Variants in EML1 observed in about 807,000 individuals in gnomAD.
EML1 encodes EMAP like 1.
In EML1, 27 loss-of-function variants were observed where a neutral mutation model predicts 110.4. That is an observed-to-expected ratio of 0.24 (90% CI 0.18 to 0.34). The LOEUF is 0.34. Among genes scored for constraint, EML1 ranks in the 10% least tolerant of loss-of-function variants. The pLI is 1.00. For missense variants in EML1, 741 were observed against 1,030.9 expected, an observed-to-expected ratio of 0.72 and a Z score of 3.85; for synonymous variants, 344 against 385.8, an observed-to-expected ratio of 0.89 and a Z score of 1.27.
rs2057579969 is a variant in EML1, at chr14:99,784,724, C to T, written c.-27+10711C>T. Among the ~76,000 whole-genome samples the T allele has an allele frequency of 1.3e-5, 2 of 152,342 alleles. No individual in the cohort carries two copies. Among genetic ancestry groups the T allele is most frequent in the South Asian group, 2.1e-4 (1 of 4,824 alleles). On this transcript the variant is annotated intron_variant, in intron 1 of 22. Transcript: ENST00000327921. This position sits in a 1 kb window ranked among gnomAD's most constrained non-coding sequence, Gnocchi z 4.5. ...CTCCCCCATTCCAGCCCATCCAGGC[C>T]GGATGACACACGGGAAAACAAGGAG...
At chr14:99,906,252 G>A (rs763261642) in intron 9 of EML1, among the ~76,000 whole-genome samples, 3 of 152,152 alleles carry the variant, frequency 2.0e-5, no homozygotes, top group Non-Finnish European at 2.9e-5. Flanking sequence ...TGGATCTCAC[G>A]CAAGAAAGAA....
At chr14:99,757,651 G>A (rs2057272131) in intron 1 of EML1, among the ~76,000 whole-genome samples, 1 of 152,212 alleles carries the variant, frequency 6.6e-6, no homozygotes, top group South Asian at 2.1e-4. Flanking sequence ...GCCAGATGGA[G>A]CATTAAATGA....
At chr14:99,739,291 C>T (rs919778485) in intron 1 of EML1, among the ~76,000 whole-genome samples, 2 of 152,098 alleles carry the variant, frequency 1.3e-5, no homozygotes, top group African/African-American at 2.4e-5. Flanking sequence ...CTGGCTGGCC[C>T]TGCCCCACAC....
chr14:99,819,824 T>C (rs1387638845), intron 1 of EML1, among the ~76,000 whole-genome samples: 1 of 152,220 alleles, frequency 6.6e-6, no homozygotes, highest in Admixed American at 6.5e-5. Flanking sequence ...GCAGCCAGCC[T>C]CACTGGGCTG....
rs977374123 is a variant in EML1, at chr14:99,764,868, G to GT, written c.28+27016dup. 1.3e-3 allele frequency among the ~76,000 whole-genome samples: 193 copies of GT among 152,112 alleles called. 2 individuals are homozygous for GT. Among genetic ancestry groups the GT allele is most frequent in the African/African-American group, 4.1e-3 (171 of 41,518 alleles). On this transcript the variant is annotated intron_variant, in intron 1 of 10. Coordinates refer to the EML1 transcript ENST00000554479. ...TCCTGCCCGTTCCTCAGTCAGTGTT[G>GT]TTTTTTTTACTATAGCAAAATATAT...
At chr14:99,742,019 C>T (rs534048728) in intron 1 of EML1, among the ~76,000 whole-genome samples, 2 of 152,310 alleles carry the variant, frequency 1.3e-5, no homozygotes, top group South Asian at 4.1e-4. Context: ...TGACCCAGGG[C>T]AGCCCTCCTT....
At chr14:99,772,647 G>C (rs2140204371), upstream of EML1, among the ~76,000 whole-genome samples, 2 of 152,320 alleles carry the variant, frequency 1.3e-5, no homozygotes, top group Middle Eastern at 3.4e-3. Context: ...GTCTGCAGGA[G>C]GTTTTTAGGA....
chr14:99,787,140 T>C (rs979221867), intron 1 of EML1, among the ~76,000 whole-genome samples: 2 of 152,196 alleles, frequency 1.3e-5, no homozygotes, highest in Admixed American at 1.3e-4. Flanking sequence ...CTTATGGTTG[T>C]TAGACTCAGT....
At position 99,837,525 on chromosome 14, in the gene EML1, T is replaced by G. The variant is rs144778980; in HGVS notation, c.68-13328T>G. Among the ~76,000 whole-genome samples the G allele has an allele frequency of 2.6e-5, 4 of 152,352 alleles. No homozygotes were observed. The East Asian group carries it at 7.7e-4, about 29-fold the overall frequency. On this transcript the variant is annotated intron_variant, in intron 1 of 21. Coordinates refer to ENST00000262233, the MANE Select transcript of EML1 (RefSeq NM_004434.3). ...AAAAGGATTAAAAATTTTTTTACAG[T>G]AACAACGAATGTGGATGGGAGGTTA...
At chr14:99,869,184 G>C (rs1175753977) in intron 3 of EML1, among the ~76,000 whole-genome samples, 1 of 152,072 alleles carries the variant, frequency 6.6e-6, no homozygotes, top group Non-Finnish European at 1.5e-5. Flanking sequence ...TTTACAAATT[G>C]GTGGTGGTGG....
Position 99,917,719 on chromosome 14 carries a change from G to A in EML1, c.1753-63G>A, listed in dbSNP as rs1595479213. The A allele has an allele frequency of 2.6e-6, 4 of 1,534,346 alleles. No homozygotes were observed. The Middle Eastern group carries it at 6.8e-4, about 260-fold the overall frequency. ...TTTGTGTGTGCACGCACTCACGTGTGTGTGTTTTATGCTATAGTGTTCTAT... is the reference window on the plus strand; with the variant it reads ...TTTGTGTGTGCACGCACTCACGTGTATGTGTTTTATGCTATAGTGTTCTAT... On this transcript the variant is annotated intron_variant, in intron 15 of 21. Coordinates refer to ENST00000262233, the MANE Select transcript of EML1 (RefSeq NM_004434.3).
intron 1 of EML1, among the ~76,000 whole-genome samples, chr14:99,815,119 C>A (rs1308193080): frequency 6.7e-6 from 1 of 148,606 alleles, no homozygotes; most frequent in Non-Finnish European, 1.5e-5. Flanking sequence ...TATGCTAAAA[C>A]TGGGATCTGT....
chr14:99,823,697 G>A (rs1315842459), intron 1 of EML1, among the ~76,000 whole-genome samples: 1 of 152,054 alleles, frequency 6.6e-6, no homozygotes. Flanking sequence ...TCACATTCTA[G>A]TGGGAGAGGG....
chr14:99,893,076 G>A (rs970436546), intron 5 of EML1, among the ~76,000 whole-genome samples: 25 of 152,266 alleles, frequency 1.6e-4, no homozygotes, highest in African/African-American at 5.3e-4. Flanking sequence ...CAGCATGAGC[G>A]GTGGCACAGA....
At chr14:99,928,472 G>C (rs2060307856) in intron 17 of EML1, among the ~76,000 whole-genome samples, 1 of 151,698 alleles carries the variant, frequency 6.6e-6, no homozygotes, top group South Asian at 2.1e-4. Flanking sequence ...TTTTTCATCT[G>C]AAGGGAGGAG....
At chr14:99,813,155 G>C (rs12896749) in intron 1 of EML1, among the ~76,000 whole-genome samples, 45,775 of 151,760 alleles carry the variant, frequency 0.3, 8,379 homozygotes, top group South Asian at 0.51. Flanking sequence ...GGCTGAACCA[G>C]TTTTGTACGC....
intron 1 of EML1, among the ~76,000 whole-genome samples, chr14:99,814,446 G>A (rs1194634993): frequency 4.6e-5 from 7 of 151,974 alleles, no homozygotes; most frequent in Non-Finnish European, 1.5e-5. Context: ...TCTAAATTTT[G>A]TAGTGCTGGG....
chr14:99,741,340 G>A (rs1372741701), intron 1 of EML1, among the ~76,000 whole-genome samples: 1 of 152,132 alleles, frequency 6.6e-6, no homozygotes, highest in Non-Finnish European at 1.5e-5. Context: ...CCTTGCTGGT[G>A]CGTTTTGTAA....
At chr14:99,817,137 A>G (rs2058181806) in intron 1 of EML1, among the ~76,000 whole-genome samples, 1 of 152,156 alleles carries the variant, frequency 6.6e-6, no homozygotes, top group Non-Finnish European at 1.5e-5. Flanking sequence ...CTTGGCAGCA[A>G]ATGCTGTTGT....
Sources: allele counts gnomAD v4.1 joint callset (sites outside exome capture counted in the v4.1 genomes callset), GRCh38; gene constraint gnomAD v4.1.1; non-coding constraint Gnocchi (gnomAD v3.1); transcripts MANE v1.5; gene names NCBI Gene and HGNC (gene_info 2026-07-23, HGNC 2026-07-21).